The following TMEM178B variants were observed in gnomAD, a reference collection of about 807,000 sequenced individuals.
TMEM178B encodes the protein transmembrane protein 178B.
In TMEM178B, 5 loss-of-function variants were observed where a neutral mutation model predicts 31.0. The observed-to-expected ratio is 0.16, with a 90% CI of 0.08 to 0.34. TMEM178B has a LOEUF of 0.34. Ranked by LOEUF, TMEM178B falls within the 10% of genes least tolerant of loss-of-function variation. TMEM178B has a pLI of 1.00. For missense variants in TMEM178B, 275 were observed against 400.3 expected, an observed-to-expected ratio of 0.69 and a Z score of 2.67; for synonymous variants, 164 against 164.0, an observed-to-expected ratio of 1.00 and a Z score of 0.00.
At chr7:141,451,345 C>T (rs1801858781) in intron 3 of TMEM178B, among the ~76,000 whole-genome samples, 1 of 152,164 alleles carries the variant, frequency 6.6e-6, no homozygotes, top group Admixed American at 6.5e-5. Context: ...CTGTAGTGAG[C>T]ACTTAGTACA....
chr7:141,080,665 G>A (rs759638206), intron 1 of TMEM178B, among the ~76,000 whole-genome samples: 1 of 152,162 alleles, frequency 6.6e-6, no homozygotes. Flanking sequence ...TATATGAATC[G>A]TGTAATATAG....
chr7:141,220,794 A>C (rs1797245524), intron 2 of TMEM178B, among the ~76,000 whole-genome samples: 1 of 152,194 alleles, frequency 6.6e-6, no homozygotes, highest in Non-Finnish European at 1.5e-5. Context: ...ATGAAGGAGA[A>C]CTGGGAGAAC....
At position 141,476,452 on chromosome 7, in the gene TMEM178B, T is replaced by A. The variant is rs796376457; in HGVS notation, c.*5666T>A. 6.6e-6 allele frequency: 1 copy of A among 152,020 alleles called. No homozygotes were observed. The highest frequency in any genetic ancestry group is 2.4e-5 in the African/African-American group (1 of 41,382). The allele number at this position is 152,020 out of a possible 1,614,324, so 9.4% of individuals were successfully genotyped here. A position where few individuals can be genotyped will look rare whatever the true frequency, so the allele number is the denominator to read the frequency against. On this transcript the variant is annotated 3_prime_UTR_variant, in exon 4 of 4. Coordinates refer to ENST00000565468, the MANE Select transcript of TMEM178B (RefSeq NM_001195278.2). ...GTCAATGCCTTAGTATTTTTTTTTT[T>A]AATTCTCCTAACGTTATTTCTAGCT...
At chr7:141,158,086 G>A (rs907944408) in intron 1 of TMEM178B, among the ~76,000 whole-genome samples, 1 of 152,060 alleles carries the variant, frequency 6.6e-6, no homozygotes, top group Non-Finnish European at 1.5e-5. Flanking sequence ...AGCTTGTGTG[G>A]CCTCAGATTG....
chr7:141,389,920 T>G (rs1297785235), intron 2 of TMEM178B, among the ~76,000 whole-genome samples: 1 of 152,190 alleles, frequency 6.6e-6, no homozygotes, highest in Non-Finnish European at 1.5e-5. Context: ...AATCTTTTTC[T>G]TTTTAAGAAT....
At chr7:141,324,430 T>TG (rs1563151669) in intron 2 of TMEM178B, among the ~76,000 whole-genome samples, 8 of 85,766 alleles carry the variant, frequency 9.3e-5, no homozygotes, top group Non-Finnish European at 2.1e-4. Context: ...TTTTTTTTTT[T>TG]TTTTTTTTTT....
chr7:141,217,920 T>C (rs1797186219), intron 2 of TMEM178B, among the ~76,000 whole-genome samples: 2 of 152,148 alleles, frequency 1.3e-5, no homozygotes, highest in African/African-American at 2.4e-5. Context: ...TTCGAGTTGC[T>C]GAGAGCCAAG....
chr7:141,286,065 C>A (rs1470540587), intron 2 of TMEM178B, among the ~76,000 whole-genome samples: 2 of 151,816 alleles, frequency 1.3e-5, no homozygotes, highest in Non-Finnish European at 2.9e-5. Flanking sequence ...ACGTTCTGCA[C>A]ATGTATCCCA....
chr7:141,413,246 A>G (rs989269524), intron 2 of TMEM178B, among the ~76,000 whole-genome samples: 2 of 152,110 alleles, frequency 1.3e-5, no homozygotes, highest in African/African-American at 2.4e-5. Context: ...CTATTTTTCT[A>G]TAGAAAACTG....
chr7:141,183,951 G>A (rs1315290432), intron 1 of TMEM178B, among the ~76,000 whole-genome samples: 1 of 152,168 alleles, frequency 6.6e-6, no homozygotes, highest in South Asian at 2.1e-4. Context: ...CAGACACGAT[G>A]GAACTGGACC....
intron 3 of TMEM178B, among the ~76,000 whole-genome samples, chr7:141,439,945 A>C (rs1801627181): frequency 6.6e-6 from 1 of 152,254 alleles, no homozygotes; most frequent in Non-Finnish European, 1.5e-5. Context: ...CTTCCAGAGA[A>C]AGAGATTGTG....
chr7:141,377,456 AG>A (rs1800238093), intron 2 of TMEM178B, among the ~76,000 whole-genome samples: 1 of 152,078 alleles, frequency 6.6e-6, no homozygotes, highest in Non-Finnish European at 1.5e-5. Context: ...TTCTATTTTA[AG>A]AAATCACTTC....
the TMEM178B span, among the ~76,000 whole-genome samples, chr7:141,496,395 G>T: frequency 2.6e-5 from 4 of 152,276 alleles, no homozygotes; most frequent in African/African-American, 9.6e-5. Flanking sequence ...TTCTTCAGGA[G>T]AGATTAAAAG....
chr7:141,308,560 G>A (rs932990040), intron 2 of TMEM178B, among the ~76,000 whole-genome samples: 9 of 152,120 alleles, frequency 5.9e-5, no homozygotes, highest in Admixed American at 1.3e-4. Flanking sequence ...CACTGTGCCC[G>A]GTCTCAACAC....
chr7:141,397,893 A>T (rs937153672), intron 2 of TMEM178B, among the ~76,000 whole-genome samples: 6 of 152,298 alleles, frequency 3.9e-5, no homozygotes, highest in Non-Finnish European at 7.3e-5. Context: ...TGCAGTAGTT[A>T]TCGGGCAAAT....
At chr7:141,266,182 C>T (rs1798092182) in intron 2 of TMEM178B, among the ~76,000 whole-genome samples, 1 of 152,326 alleles carries the variant, frequency 6.6e-6, no homozygotes, top group South Asian at 2.1e-4. Flanking sequence ...AGCTCCAAAG[C>T]CTTGAGCAGC....
Position 141,310,164 on chromosome 7 carries a change from A to G in TMEM178B, c.496+97460A>G, listed in dbSNP as rs567785011. Among the ~76,000 whole-genome samples, 3 of 152,358 alleles carry G rather than the reference A, an allele frequency of 2.0e-5. No individual in the cohort carries two copies. The South Asian group carries it at 6.2e-4, about 32-fold the overall frequency. ...GTGAAGAGACAACCTACAGAATGGG[A>G]GAAAATTTTTGCAATCTATCCATCT... On this transcript the variant is annotated intron_variant, in intron 2 of 3. Coordinates refer to ENST00000565468, the MANE Select transcript of TMEM178B (RefSeq NM_001195278.2).
At chr7:141,118,863 C>T (rs1025005297) in intron 1 of TMEM178B, among the ~76,000 whole-genome samples, 16 of 152,130 alleles carry the variant, frequency 1.1e-4, no homozygotes, top group Non-Finnish European at 2.2e-4. Context: ...CAAGCCACTT[C>T]GGAAAATCTT....
rs1461159951 is a variant in TMEM178B at position 141,074,722 on chromosome 7, C to A, written c.382+30C>A. On this transcript the variant is annotated intron_variant, in intron 1 of 3. Coordinates refer to ENST00000565468, the MANE Select transcript of TMEM178B (RefSeq NM_001195278.2). This position sits in a 1 kb window ranked among gnomAD's most constrained non-coding sequence, Gnocchi z 5.1. Reference sequence around the variant, plus strand: ...GCGCCGGGCGCAAGGCGTGGCGCTGCGGAGAGCCCGGCGCCTTTAGGCCCC... The same window carrying A: ...GCGCCGGGCGCAAGGCGTGGCGCTGAGGAGAGCCCGGCGCCTTTAGGCCCC... 2 of 1,448,508 alleles carry A rather than the reference C, an allele frequency of 1.4e-6. No individual in the cohort carries two copies. The highest frequency in any genetic ancestry group is 1.8e-6 in the Non-Finnish European group (2 of 1,106,102). 89.7% of individuals were successfully genotyped at this position (1,448,508 alleles called of 1,614,324 possible). A position where few individuals can be genotyped will look rare whatever the true frequency, so the allele number is the denominator to read the frequency against.
Sources: allele counts gnomAD v4.1 joint callset (sites outside exome capture counted in the v4.1 genomes callset), GRCh38; gene constraint gnomAD v4.1.1; non-coding constraint Gnocchi (gnomAD v3.1); transcripts MANE v1.5; gene names NCBI Gene and HGNC (gene_info 2026-07-23, HGNC 2026-07-21).